The following NCKAP5 variants were observed in gnomAD, a reference collection of about 807,000 sequenced individuals.
NCKAP5 encodes nck-associated protein 5.
Under a neutral mutation model 167.0 loss-of-function variants are expected in NCKAP5, and 92 were observed. The observed-to-expected ratio is 0.55, with a 90% CI of 0.47 to 0.66. The LOEUF (loss-of-function observed/expected upper bound fraction) is 0.66, where lower values mean the gene tolerates loss of function less well. Among genes scored for constraint, NCKAP5 ranks in the 30% least tolerant of loss-of-function variants. The probability of loss-of-function intolerance (pLI) is 0.00; values close to 1 mark genes in which losing one functional copy is unlikely to be tolerated. For missense variants in NCKAP5, 2,378 were observed against 2,315.0 expected (o/e 1.03, Z -0.56); for synonymous variants, 891 against 877.4 (o/e 1.02, Z -0.27).
At chr2:132,908,596 G>A (rs1694191066) in intron 8 of NCKAP5, among the ~76,000 whole-genome samples, 1 of 152,094 alleles carries the variant, frequency 6.6e-6, no homozygotes, top group African/African-American at 2.4e-5. Context: ...TAAGCCTCTT[G>A]ATTTAATAAA....
At chr2:133,181,135 A>C (rs2084713148) in intron 5 of NCKAP5, among the ~76,000 whole-genome samples, 2 of 149,738 alleles carry the variant, frequency 1.3e-5, no homozygotes, top group Non-Finnish European at 3.0e-5. Flanking sequence ...AGCAAAAACA[A>C]CACTATGTGA....
At chr2:132,932,022 C>T (rs748445428) in intron 8 of NCKAP5, among the ~76,000 whole-genome samples, 2 of 152,200 alleles carry the variant, frequency 1.3e-5, no homozygotes, top group Non-Finnish European at 2.9e-5. Context: ...TACTGACCTA[C>T]AGGATTCTTA....
chr2:132,751,481 A>G (rs1345115456), intron 16 of NCKAP5, among the ~76,000 whole-genome samples: 1 of 152,198 alleles, frequency 6.6e-6, no homozygotes, highest in Non-Finnish European at 1.5e-5. Flanking sequence ...GGACTGAGAT[A>G]CTTGTATTCC....
chr2:133,448,111 A>G (rs1691319695), intron 3 of NCKAP5, among the ~76,000 whole-genome samples: 1 of 152,198 alleles, frequency 6.6e-6, no homozygotes, highest in African/African-American at 2.4e-5. Context: ...TCCACTTAAA[A>G]TTTATACTTC....
intron 3 of NCKAP5, among the ~76,000 whole-genome samples, chr2:133,498,001 A>T (rs544898321): frequency 2.6e-5 from 4 of 152,210 alleles, no homozygotes; most frequent in African/African-American, 7.2e-5. Context: ...CAGATATCCA[A>T]CAAGCCTTCT....
chr2:132,689,370 G>A (rs1178709276), intron 19 of NCKAP5, among the ~76,000 whole-genome samples: 2 of 152,210 alleles, frequency 1.3e-5, no homozygotes, highest in Admixed American at 1.3e-4. Flanking sequence ...AAATTCCTGA[G>A]AGATGAGGGA....
intron 9 of NCKAP5, among the ~76,000 whole-genome samples, chr2:132,875,620 C>T (rs1179587764): frequency 1.3e-5 from 2 of 152,158 alleles, no homozygotes; most frequent in Non-Finnish European, 2.9e-5. Flanking sequence ...TATTTTACTT[C>T]TTTACATGGG....
intron 3 of NCKAP5, among the ~76,000 whole-genome samples, chr2:133,514,492 G>T (rs1016158996): frequency 6.6e-6 from 1 of 152,160 alleles, no homozygotes; most frequent in Non-Finnish European, 1.5e-5. Context: ...AAATGTAAAA[G>T]CCATTGTAAG....
intron 4 of NCKAP5, among the ~76,000 whole-genome samples, chr2:133,228,071 T>A (rs189694919): frequency 2.6e-5 from 4 of 152,272 alleles, no homozygotes; most frequent in African/African-American, 9.6e-5. Flanking sequence ...TGGAGTAAGA[T>A]CCTGATTGGC....
intron 6 of NCKAP5, among the ~76,000 whole-genome samples, chr2:133,068,495 G>C (rs902968634): frequency 6.6e-6 from 1 of 152,178 alleles, no homozygotes; most frequent in African/African-American, 2.4e-5. Flanking sequence ...ACACACTTGT[G>C]CTCAATTTCA....
intron 4 of NCKAP5, among the ~76,000 whole-genome samples, chr2:133,246,289 T>C (rs1310484475): frequency 6.6e-6 from 1 of 151,434 alleles, no homozygotes; most frequent in Non-Finnish European, 1.5e-5. Flanking sequence ...TATCCTCAAA[T>C]GGAGCAATGA....
intron 4 of NCKAP5, among the ~76,000 whole-genome samples, chr2:133,240,450 C>T (rs1034339380): frequency 6.6e-6 from 1 of 152,148 alleles, no homozygotes; most frequent in African/African-American, 2.4e-5. Flanking sequence ...CTTGCATGCC[C>T]ATCTCTGATG....
intron 4 of NCKAP5, among the ~76,000 whole-genome samples, chr2:133,230,231 C>T (rs1215843337): frequency 1.3e-5 from 2 of 152,154 alleles, no homozygotes; most frequent in Non-Finnish European, 2.9e-5. Context: ...CCACAGGCAT[C>T]TGGTGGGCAA....
At chr2:132,816,798 G>T (rs570412059) in intron 11 of NCKAP5, among the ~76,000 whole-genome samples, 1 of 152,094 alleles carries the variant, frequency 6.6e-6, no homozygotes, top group South Asian at 2.1e-4. Context: ...ATCAATGAAG[G>T]TATATAAAAT....
At chr2:133,238,154 C>G (rs889143729) in intron 4 of NCKAP5, among the ~76,000 whole-genome samples, 1 of 152,186 alleles carries the variant, frequency 6.6e-6, no homozygotes, top group Non-Finnish European at 1.5e-5. Flanking sequence ...AAAAAAGTGA[C>G]ACTTTAATTA....
chr2:133,187,755 C>G (rs1574314339), intron 5 of NCKAP5, among the ~76,000 whole-genome samples: 1 of 152,024 alleles, frequency 6.6e-6, no homozygotes, highest in South Asian at 2.1e-4. Context: ...CTCTTTTGAT[C>G]TTTGTTGGTT....
At chr2:132,767,688 T>C (rs917862009) in intron 16 of NCKAP5, among the ~76,000 whole-genome samples, 8 of 152,122 alleles carry the variant, frequency 5.3e-5, no homozygotes, top group African/African-American at 1.9e-4. Flanking sequence ...TAGGAGAGGA[T>C]AAGGAATAAA....
At chr2:133,459,722 C>T (rs1412888442) in intron 3 of NCKAP5, among the ~76,000 whole-genome samples, 1 of 152,092 alleles carries the variant, frequency 6.6e-6, no homozygotes, top group Non-Finnish European at 1.5e-5. Flanking sequence ...TTACAGACAG[C>T]TTTCTATGTG....
intron 6 of NCKAP5, chr2:133,121,923 G>A (rs969441715): frequency 3.3e-5 from 5 of 152,028 alleles, no homozygotes; most frequent in Non-Finnish European, 7.4e-5. Context: ...ACTGATTTTT[G>A]CAAAAACATG....
Sources: gnomAD v4.1 joint callset for allele counts (sites outside exome capture counted in the v4.1 genomes callset) on GRCh38, gnomAD v4.1.1 for gene constraint, MANE v1.5 for transcripts, NCBI Gene and HGNC (gene_info 2026-07-23, HGNC 2026-07-21) for gene names.